The following L3MBTL4 variants were observed in gnomAD, a reference collection of about 807,000 sequenced individuals.
L3MBTL4 encodes lethal(3)malignant brain tumor-like protein 4.
Under a neutral mutation model 84.5 loss-of-function variants are expected in L3MBTL4, and 70 were observed. That is an observed-to-expected ratio of 0.83 (90% CI 0.68 to 1.01). L3MBTL4 has a LOEUF of 1.01. Among genes scored for constraint, L3MBTL4 ranks in the 50% least tolerant of loss-of-function variants. The pLI, the probability that L3MBTL4 is intolerant of heterozygous loss-of-function variation, is 0.00. For missense variants in L3MBTL4, 715 were observed against 754.8 expected, an observed-to-expected ratio of 0.95 and a Z score of 0.62; for synonymous variants, 274 against 259.8, an observed-to-expected ratio of 1.05 and a Z score of -0.52.
At chr18:6,379,794 T>C (rs1439514244) in intron 1 of L3MBTL4, among the ~76,000 whole-genome samples, 2 of 152,248 alleles carry the variant, frequency 1.3e-5, no homozygotes, top group African/African-American at 2.4e-5. Flanking sequence ...CTGTTTTGTC[T>C]CTGCCAGGTT....
chr18:6,333,933 G>T (rs6506377), intron 1 of L3MBTL4, among the ~76,000 whole-genome samples: 32,562 of 152,094 alleles, frequency 0.21, 4,760 homozygotes, highest in African/African-American at 0.42. Flanking sequence ...CTGTGTTCTA[G>T]CCAGAAATAT....
At chr18:5,986,166 A>C (rs1286709562) in intron 16 of L3MBTL4, among the ~76,000 whole-genome samples, 1 of 152,214 alleles carries the variant, frequency 6.6e-6, no homozygotes, top group Non-Finnish European at 1.5e-5. Context: ...TGTTCCCCTG[A>C]GTCTCCTAAC....
intron 1 of L3MBTL4, among the ~76,000 whole-genome samples, chr18:6,349,473 A>G (rs2053075672): frequency 6.6e-6 from 1 of 152,232 alleles, no homozygotes; most frequent in Non-Finnish European, 1.5e-5. Context: ...TCATGTCTAT[A>G]ATCAAAGCAC....
intron 16 of L3MBTL4, among the ~76,000 whole-genome samples, chr18:5,970,808 G>C (rs969619104): frequency 1.3e-5 from 2 of 152,180 alleles, no homozygotes; most frequent in African/African-American, 4.8e-5. Flanking sequence ...GCTTTTAGTA[G>C]GTGAGGCTGA....
intron 4 of L3MBTL4, among the ~76,000 whole-genome samples, chr18:6,282,496 G>A (rs1259290750): frequency 1.3e-5 from 2 of 152,108 alleles, no homozygotes; most frequent in African/African-American, 4.8e-5. Flanking sequence ...CAGGTACAAG[G>A]GTTCCACGGC....
At chr18:6,372,430 T>G (rs1204028611) in intron 1 of L3MBTL4, among the ~76,000 whole-genome samples, 1 of 152,222 alleles carries the variant, frequency 6.6e-6, no homozygotes, top group Non-Finnish European at 1.5e-5. Context: ...TAACACAGGC[T>G]TATTTGTAAC....
chr18:6,090,790 A>ATTTT lies in L3MBTL4; in HGVS notation c.1373+2561_1373+2564dup, dbSNP rs71370543. ...CAGGCACATGCCACCACACCCACCT[A>ATTTT]TTTTTTTTTTTTTTTTGTATTTTTT... is the stretch of plus-strand genomic sequence containing the variant. On this transcript the variant is annotated intron_variant, in intron 15 of 18. Transcript: ENST00000317931. Among the ~76,000 whole-genome samples the ATTTT allele has an allele frequency of 2.5e-4, 33 of 129,720 alleles. 1 individual carries two copies. The highest frequency in any genetic ancestry group is 1.5e-3 in the South Asian group (6 of 4,004). 85.1% of individuals were successfully genotyped at this position (129,720 alleles called of 152,430 possible). A position where few individuals can be genotyped will look rare whatever the true frequency, so the allele number is the denominator to read the frequency against.
intron 1 of L3MBTL4, among the ~76,000 whole-genome samples, chr18:6,411,567 C>CT (rs1228050436): frequency 6.6e-6 from 1 of 152,164 alleles, no homozygotes; most frequent in Non-Finnish European, 1.5e-5. Context: ...CCTTCCCTCC[C>CT]TTACTTCTCC....
intron 16 of L3MBTL4, among the ~76,000 whole-genome samples, chr18:5,972,639 C>G (rs1034002592): frequency 5.3e-5 from 8 of 152,076 alleles, no homozygotes; most frequent in Admixed American, 1.3e-4. Context: ...CTTCTTTGTA[C>G]TCTTTAGCAG....
At chr18:6,402,650 A>G (rs923592542) in intron 1 of L3MBTL4, among the ~76,000 whole-genome samples, 1 of 152,162 alleles carries the variant, frequency 6.6e-6, no homozygotes, top group Non-Finnish European at 1.5e-5. Flanking sequence ...TTTAATCACT[A>G]GTGATTAAAT....
intron 16 of L3MBTL4, among the ~76,000 whole-genome samples, chr18:6,055,972 A>G (rs2057008624): frequency 6.6e-6 from 1 of 152,158 alleles, no homozygotes; most frequent in African/African-American, 2.4e-5. Flanking sequence ...GCAAGTGGCT[A>G]TAAGGCGATG....
At chr18:5,970,919 C>G (rs767145866) in intron 16 of L3MBTL4, among the ~76,000 whole-genome samples, 14 of 152,214 alleles carry the variant, frequency 9.2e-5, no homozygotes, top group Non-Finnish European at 1.9e-4. Flanking sequence ...ACACCACTCT[C>G]GTGGATCGGA....
At chr18:6,110,217 G>C (rs528088694) in intron 14 of L3MBTL4, among the ~76,000 whole-genome samples, 16 of 152,306 alleles carry the variant, frequency 1.1e-4, no homozygotes, top group African/African-American at 3.8e-4. Flanking sequence ...TCCACTGGTA[G>C]TAGAGTGAAA....
At chr18:6,094,099 A>G (rs1267845383) in intron 14 of L3MBTL4, among the ~76,000 whole-genome samples, 1 of 152,174 alleles carries the variant, frequency 6.6e-6, no homozygotes, top group African/African-American at 2.4e-5. Context: ...TGCTGAGTCT[A>G]TTATCTCCCC....
intron 1 of L3MBTL4, among the ~76,000 whole-genome samples, chr18:6,312,853 A>G (rs2050903278): frequency 6.6e-6 from 1 of 152,168 alleles, no homozygotes; most frequent in Non-Finnish European, 1.5e-5. Context: ...CAAAAGTCTT[A>G]AAGTTCTTTG....
intron 5 of L3MBTL4, among the ~76,000 whole-genome samples, chr18:6,254,412 C>CTTTTTTTTTTTTTTTTT (rs763440464): frequency 1.8e-5 from 2 of 112,718 alleles, no homozygotes; most frequent in African/African-American, 3.6e-5. Flanking sequence ...AAAGTGACAC[C>CTTTTTTTTTTTTTTTTT]TTTTTTTTTT....
At chr18:6,174,613 T>C (rs967173219) in intron 12 of L3MBTL4, among the ~76,000 whole-genome samples, 3 of 152,126 alleles carry the variant, frequency 2.0e-5, no homozygotes, top group East Asian at 1.9e-4. Flanking sequence ...CTCACACCTA[T>C]AATCCCAGCA....
intron 5 of L3MBTL4, among the ~76,000 whole-genome samples, chr18:6,256,037 C>T (rs1306259499): frequency 6.6e-6 from 1 of 152,200 alleles, no homozygotes; most frequent in Non-Finnish European, 1.5e-5. Flanking sequence ...ATGTTCACAG[C>T]ACAAACACTT....
intron 4 of L3MBTL4, among the ~76,000 whole-genome samples, chr18:6,293,700 T>C (rs2049969188): frequency 6.6e-6 from 1 of 152,214 alleles, no homozygotes; most frequent in African/African-American, 2.4e-5. Context: ...CCCAAAATCA[T>C]GTGACATCTA....
Sources: gnomAD v4.1 joint callset for allele counts (sites outside exome capture counted in the v4.1 genomes callset) on GRCh38, gnomAD v4.1.1 for gene constraint, MANE v1.5 for transcripts, NCBI Gene and HGNC (gene_info 2026-07-23, HGNC 2026-07-21) for gene names.